The following PCNX2 variants were observed in gnomAD, a reference collection of about 807,000 sequenced individuals.
PCNX2 encodes pecanex 2.
Under a neutral mutation model 223.8 loss-of-function variants are expected in PCNX2, and 168 were observed. The observed-to-expected ratio is 0.75, with a 90% CI of 0.66 to 0.85. The LOEUF is 0.85. PCNX2 is among the 40% of genes least tolerant of loss of function. PCNX2 has a pLI of 0.00. For missense variants in PCNX2, 2,507 were observed against 2,675.5 expected (o/e 0.94, Z 1.39); for synonymous variants, 1,006 against 1,052.6 (o/e 0.96, Z 0.86).
At chr1:233,284,914 T>C (rs1466247103) in intron 1 of PCNX2, 13 of 953,270 alleles carry the variant, frequency 1.4e-5, no homozygotes, top group South Asian at 4.9e-5. Context: ...TCCAGGGTCA[T>C]GGGGGGGATG....
intron 9 of PCNX2, among the ~76,000 whole-genome samples, chr1:233,236,550 G>A (rs549535766): frequency 2.0e-5 from 3 of 152,100 alleles, no homozygotes; most frequent in African/African-American, 7.2e-5. Context: ...GTGAGCTCTT[G>A]TGAGACTTAT....
chr1:233,183,792 G>A (rs534904466), intron 15 of PCNX2, among the ~76,000 whole-genome samples: 5 of 152,268 alleles, frequency 3.3e-5, no homozygotes, highest in South Asian at 4.1e-4. Context: ...CAGAGCACAC[G>A]AGGGGCTACA....
At chr1:233,235,949 T>TAAA (rs776690895) in intron 9 of PCNX2, among the ~76,000 whole-genome samples, 1,359 of 104,540 alleles carry the variant, frequency 0.013, 29 homozygotes, top group African/African-American at 0.026. Context: ...AAAGCAATCA[T>TAAA]AAAAAAAAAT....
At chr1:233,118,491 CAAAAAA>C (rs35378781) in intron 21 of PCNX2, among the ~76,000 whole-genome samples, 1 of 94,438 alleles carries the variant, frequency 1.1e-5, no homozygotes, top group Non-Finnish European at 2.1e-5. Flanking sequence ...AAGGCACCTA[CAAAAAA>C]AAAAAAAAAA....
chr1:232,991,524 C>T lies in PCNX2; in HGVS notation c.5792-4984G>A, dbSNP rs1450358112. 6.6e-6 allele frequency among the ~76,000 whole-genome samples: 1 copy of T among 152,072 alleles called. No homozygotes were observed. Among genetic ancestry groups the T allele is most frequent in the African/African-American group, 2.4e-5 (1 of 41,392 alleles). ...CTGTTGAAGCCCTAACCCCCAGGAC[C>T]TCAGGGTGGGGCCTTACTTTGACAC... is the stretch of plus-strand genomic sequence containing the variant. On this transcript the variant is annotated intron_variant, in intron 32 of 33. Transcript: ENST00000258229. This position sits in a 1 kb window ranked among gnomAD's most constrained non-coding sequence, Gnocchi z 4.3.
At chr1:233,133,525 G>A (rs74185527) in intron 21 of PCNX2, among the ~76,000 whole-genome samples, 2,194 of 152,248 alleles carry the variant, frequency 0.014, 27 homozygotes, top group East Asian at 0.051. Flanking sequence ...CAAGAGGGAC[G>A]TAGGTCACTG....
intron 13 of PCNX2, 120 bp downstream of exon 13, chr1:233,208,398 G>A: frequency 9.1e-7 from 1 of 1,102,750 alleles, no homozygotes; most frequent in South Asian, 1.9e-5. Flanking sequence ...TGCAAGCCAA[G>A]AGGAAAGTGC....
chr1:233,275,945 G>A (rs1572190417), intron 1 of PCNX2, among the ~76,000 whole-genome samples: 2 of 151,936 alleles, frequency 1.3e-5, no homozygotes, highest in Non-Finnish European at 2.9e-5. Flanking sequence ...CAGGAGAATC[G>A]CTTGGAACCA....
chr1:233,142,161 C>A (rs115470781), intron 19 of PCNX2, among the ~76,000 whole-genome samples: 2,075 of 152,102 alleles, frequency 0.014, 45 homozygotes, highest in African/African-American at 0.047. Context: ...GTTTTATACA[C>A]AATAAAGTCT....
At chr1:233,040,344 T>G (rs2273672) in intron 25 of PCNX2, among the ~76,000 whole-genome samples, 35,401 of 152,134 alleles carry the variant, frequency 0.23, 4,726 homozygotes, top group African/African-American at 0.36. Context: ...ATTACAGGAT[T>G]GTCTTCATCC....
intron 21 of PCNX2, among the ~76,000 whole-genome samples, chr1:233,109,342 G>C (rs1464706449): frequency 6.6e-6 from 1 of 152,182 alleles, no homozygotes; most frequent in Non-Finnish European, 1.5e-5. Context: ...ATCAAAGTAA[G>C]ACTCAGAGAT....
At chr1:233,147,594 A>C (rs1051413324) in intron 19 of PCNX2, among the ~76,000 whole-genome samples, 1 of 147,972 alleles carries the variant, frequency 6.8e-6, no homozygotes, top group African/African-American at 2.7e-5. Context: ...AAAAAAAAAA[A>C]TTTATGTGTA....
chr1:233,014,343 G>A (rs539324333), intron 28 of PCNX2, among the ~76,000 whole-genome samples: 4 of 152,132 alleles, frequency 2.6e-5, no homozygotes, highest in Non-Finnish European at 4.4e-5. Context: ...GTTAGGTACT[G>A]GGCTAGGCAC....
In PCNX2 at chr1:233,095,867, A is replaced by G. The variant is rs768752362; in HGVS notation, c.3838-4T>C. On this transcript the variant is annotated splice_polypyrimidine_tract_variant and splice_region_variant and intron_variant, in intron 21 of 33. Transcript: ENST00000258229. ...ACTTGTGAAGCAGGTCCCCGAGCTG[A>G]AAGTAAAAGAAAAAAAATTCATCAG... is the stretch of plus-strand genomic sequence containing the variant. 6.3e-7 allele frequency: 1 copy of G among 1,588,310 alleles called. No individual in the cohort carries two copies. The highest frequency in any genetic ancestry group is 8.6e-7 in the Non-Finnish European group (1 of 1,163,202).
chr1:233,124,430 T>A (rs985160945), intron 21 of PCNX2, among the ~76,000 whole-genome samples: 15 of 152,208 alleles, frequency 9.9e-5, no homozygotes, highest in South Asian at 6.2e-4. Flanking sequence ...AAAAATAAAC[T>A]GAAAATGGAG....
At chr1:233,150,084 C>A (rs1285270196) in intron 19 of PCNX2, among the ~76,000 whole-genome samples, 1 of 152,100 alleles carries the variant, frequency 6.6e-6, no homozygotes, top group Non-Finnish European at 1.5e-5. Flanking sequence ...AGGGCTGCAG[C>A]CACAGCCAGC....
Position 233,204,795 on chromosome 1 carries a change from C to T in PCNX2, c.2863+3723G>A, listed in dbSNP as rs539587550. Among the ~76,000 whole-genome samples the T allele has an allele frequency of 1.1e-4, 16 of 152,254 alleles. No individual in the cohort carries two copies. The South Asian group carries it at 2.7e-3, about 26-fold the overall frequency. On this transcript the variant is annotated intron_variant, in intron 13 of 33. Coordinates refer to ENST00000258229, the MANE Select transcript of PCNX2 (RefSeq NM_014801.4). ...ATCTTTACCCCAGAAGTTATTTAAT[C>T]GGCTTGCTGGATTATTTATCGCCAT... is the stretch of plus-strand genomic sequence containing the variant.
intron 25 of PCNX2, among the ~76,000 whole-genome samples, chr1:233,041,579 C>T (rs1437897410): frequency 1.3e-5 from 2 of 152,190 alleles, no homozygotes; most frequent in Non-Finnish European, 2.9e-5. Context: ...TTCTTCCCAC[C>T]TAAATAAATA....
the PCNX2 span, among the ~76,000 whole-genome samples, chr1:233,309,734 C>T: frequency 1.3e-4 from 20 of 151,800 alleles, no homozygotes; most frequent in African/African-American, 3.6e-4. Context: ...AGAAATTAGA[C>T]AGGCATGGTG....
Sources: allele counts gnomAD v4.1 joint callset (sites outside exome capture counted in the v4.1 genomes callset), GRCh38; gene constraint gnomAD v4.1.1; non-coding constraint Gnocchi (gnomAD v3.1); transcripts MANE v1.5; gene names NCBI Gene and HGNC (gene_info 2026-07-23, HGNC 2026-07-21).